The following KCNC2 variants were observed in gnomAD, a reference collection of about 807,000 sequenced individuals.
KCNC2 encodes the protein potassium voltage-gated channel subfamily C member 2, also known as voltage-gated potassium channel KCNC2.
In KCNC2, 21 loss-of-function variants were observed where a neutral mutation model predicts 44.5. The ratio of observed to expected loss-of-function variants is 0.47; its 90% CI spans 0.33 to 0.68. The LOEUF (loss-of-function observed/expected upper bound fraction) is 0.68. KCNC2 is among the 30% of genes least tolerant of loss of function. KCNC2 has a pLI of 0.01. For synonymous variants in KCNC2, 391 were observed against 339.1 expected (o/e 1.15, Z -1.68); for missense variants, 589 against 826.2 (o/e 0.71, Z 3.52).
At chr12:75,146,245 T>C (rs1890021548) in intron 2 of KCNC2, among the ~76,000 whole-genome samples, 1 of 152,176 alleles carries the variant, frequency 6.6e-6, no homozygotes, top group South Asian at 2.1e-4. Context: ...ACAACCTTAC[T>C]GACTTTTATT....
At chr12:75,140,356 G>A (rs1174460917) in intron 2 of KCNC2, among the ~76,000 whole-genome samples, 1 of 152,134 alleles carries the variant, frequency 6.6e-6, no homozygotes, top group Non-Finnish European at 1.5e-5. Flanking sequence ...AGATAGGTGT[G>A]ATTTGTCAGG....
intron 2 of KCNC2, among the ~76,000 whole-genome samples, chr12:75,148,195 A>G (rs942887460): frequency 1.3e-5 from 2 of 152,122 alleles, no homozygotes; most frequent in African/African-American, 2.4e-5. Flanking sequence ...AATTTAAAAG[A>G]CAGCACTATG....
intron 2 of KCNC2, among the ~76,000 whole-genome samples, chr12:75,190,750 T>C (rs1389987486): frequency 2.6e-5 from 4 of 152,060 alleles, no homozygotes; most frequent in Non-Finnish European, 5.9e-5. Context: ...TGTTTCCAAA[T>C]TGACTCCAGA....
At chr12:75,209,032 T>A (rs1484432499) in intron 1 of KCNC2, among the ~76,000 whole-genome samples, 175 bp downstream of exon 1, 3 of 152,082 alleles carry the variant, frequency 2.0e-5, no homozygotes, top group Non-Finnish European at 2.9e-5. Context: ...GTCCCTGAGC[T>A]GAAAGTCTCG....
chr12:75,151,364 C>T (rs962436676), intron 2 of KCNC2, among the ~76,000 whole-genome samples: 3 of 151,976 alleles, frequency 2.0e-5, no homozygotes, highest in South Asian at 2.1e-4. Context: ...TCAAGGTCTT[C>T]GTTCGGAGAA....
At chr12:75,197,269 C>G (rs1383740488) in intron 2 of KCNC2, among the ~76,000 whole-genome samples, 1 of 151,942 alleles carries the variant, frequency 6.6e-6, no homozygotes, top group African/African-American at 2.4e-5. Context: ...AATTTCCACC[C>G]TCCCTGTTCT....
intron 2 of KCNC2, among the ~76,000 whole-genome samples, chr12:75,086,634 G>A (rs1347178193): frequency 1.5e-5 from 2 of 131,062 alleles, no homozygotes; most frequent in Non-Finnish European, 3.1e-5. Context: ...GTAGAATGTA[G>A]TCCCATAAAA....
chr12:75,053,983 G>A (rs1297918315), intron 2 of KCNC2, among the ~76,000 whole-genome samples: 1 of 151,562 alleles, frequency 6.6e-6, no homozygotes, highest in Non-Finnish European at 1.5e-5. Context: ...AGCACTTTGG[G>A]AGGCTGAGGT....
At chr12:75,188,583 C>T (rs185795868) in intron 2 of KCNC2, among the ~76,000 whole-genome samples, 2 of 148,128 alleles carry the variant, frequency 1.4e-5, no homozygotes, top group African/African-American at 2.7e-5. Flanking sequence ...ACAAGGTGGC[C>T]GGGCGCGGTG....
chr12:75,061,600 C>T (rs397803654), intron 2 of KCNC2, among the ~76,000 whole-genome samples: 18 of 124,968 alleles, frequency 1.4e-4, no homozygotes, highest in Non-Finnish European at 1.9e-4. Context: ...CACACACACA[C>T]ACACACACAC....
chr12:75,079,543 C>T (rs1457954199), intron 2 of KCNC2, among the ~76,000 whole-genome samples: 5 of 152,026 alleles, frequency 3.3e-5, no homozygotes, highest in African/African-American at 4.8e-5. Flanking sequence ...AATGTAAATA[C>T]GTTTCATTGT....
At chr12:75,140,678 A>T (rs570619906) in intron 2 of KCNC2, among the ~76,000 whole-genome samples, 2 of 152,226 alleles carry the variant, frequency 1.3e-5, no homozygotes, top group South Asian at 4.1e-4. Context: ...GCAGACAAAA[A>T]AGAATATCTG....
chr12:75,150,970 C>T (rs1890349719), intron 2 of KCNC2, among the ~76,000 whole-genome samples: 1 of 151,828 alleles, frequency 6.6e-6, no homozygotes, highest in South Asian at 2.1e-4. Flanking sequence ...ATATCTGCTT[C>T]CATTAGTATG....
chr12:75,110,154 G>A (rs756766063), intron 2 of KCNC2, among the ~76,000 whole-genome samples: 11 of 152,094 alleles, frequency 7.2e-5, no homozygotes, highest in Non-Finnish European at 1.5e-4. Context: ...TTTCTAAACT[G>A]AAGAAACACT....
chr12:75,111,619 A>C (rs1887251477), intron 2 of KCNC2, among the ~76,000 whole-genome samples: 2 of 151,954 alleles, frequency 1.3e-5, no homozygotes, highest in African/African-American at 4.8e-5. Context: ...ATAATATATG[A>C]GTTTCTGCTG....
chr12:75,176,672 A>G (rs574599686), intron 2 of KCNC2, among the ~76,000 whole-genome samples: 5 of 152,080 alleles, frequency 3.3e-5, no homozygotes, highest in Admixed American at 2.0e-4. Context: ...AGTTAATAAT[A>G]CATGTCTGCC....
At position 75,042,841 on chromosome 12, in the gene KCNC2, G is replaced by T; in HGVS notation, c.*264C>A. On this transcript the variant is annotated 3_prime_UTR_variant, in exon 5 of 5. Coordinates refer to ENST00000549446, the MANE Select transcript of KCNC2 (RefSeq NM_139137.4). ...TATATTAGTGCACTGGTCAATATCT[G>T]ACACTATCTGTCATTTTATTGCAAA... The T allele has an allele frequency of 7.8e-7, 1 of 1,281,924 alleles. No homozygotes were observed. The highest frequency in any genetic ancestry group is 9.9e-7 in the Non-Finnish European group (1 of 1,013,644). 79.4% of individuals were successfully genotyped at this position (1,281,924 alleles called of 1,614,324 possible).
chr12:75,046,611 T>C (rs1397925246), intron 4 of KCNC2, among the ~76,000 whole-genome samples: 1 of 151,868 alleles, frequency 6.6e-6, no homozygotes, highest in African/African-American at 2.4e-5. Flanking sequence ...TTTGATATGA[T>C]GATTATTATT....
chr12:75,094,383 G>A (rs1445120073), intron 2 of KCNC2, among the ~76,000 whole-genome samples: 1 of 151,584 alleles, frequency 6.6e-6, no homozygotes, highest in Admixed American at 6.6e-5. Flanking sequence ...CAGAGTAACA[G>A]ACTGATATAT....
Sources: gnomAD v4.1 joint callset for allele counts (sites outside exome capture counted in the v4.1 genomes callset) on GRCh38, gnomAD v4.1.1 for gene constraint, MANE v1.5 for transcripts, NCBI Gene and HGNC (gene_info 2026-07-23, HGNC 2026-07-21) for gene names.